The following AGA variants were observed in gnomAD, a reference collection of about 807,000 sequenced individuals.
The protein encoded by AGA is aspartylglucosaminidase.
In AGA, 31 loss-of-function variants were observed where a neutral mutation model predicts 40.1. The ratio of observed to expected loss-of-function variants is 0.77; its 90% CI spans 0.58 to 1.04. AGA has a LOEUF of 1.04. Among genes scored for constraint, AGA ranks in the 50% least tolerant of loss-of-function variants. AGA has a pLI of 0.00. For synonymous variants in AGA, 148 were observed against 144.0 expected (o/e 1.03, Z -0.20); for missense variants, 445 against 435.4 (o/e 1.02, Z -0.20).
intron 7 of AGA, among the ~76,000 whole-genome samples, chr4:177,433,908 A>G (rs1413431898): frequency 6.6e-6 from 1 of 151,368 alleles, no homozygotes; most frequent in East Asian, 1.9e-4. Context: ...ATCATTATCA[A>G]AATGATAGGC....
chr4:177,437,823 T>G (rs921030624), intron 4 of AGA, among the ~76,000 whole-genome samples: 2 of 152,180 alleles, frequency 1.3e-5, no homozygotes, highest in African/African-American at 2.4e-5. Context: ...TAGTAAAATT[T>G]TTTAAAATTA....
rs1248464839 is a variant in AGA, at chr4:177,430,806, CTG to C, written c.*900_*901del. The C allele has an allele frequency of 1.1e-5, 5 of 453,734 alleles. No individual in the cohort carries two copies. The highest frequency in any genetic ancestry group is 8.0e-5 in the African/African-American group (4 of 49,976). 28.1% of individuals were successfully genotyped at this position (453,734 alleles called of 1,614,324 possible). A position where few individuals can be genotyped will look rare whatever the true frequency, so the allele number is the denominator to read the frequency against. On this transcript the variant is annotated 3_prime_UTR_variant, in exon 9 of 9. Coordinates refer to ENST00000264595, the MANE Select transcript of AGA (RefSeq NM_000027.4). ...ATCGTACATGTACATTTATTAATGA[CTG>C]TTGATTAAAAAGATGATTTTGAAGG...
rs777972773 is a variant in AGA at position 177,442,361 on chromosome 4, C to T, written c.15G>A (p.Ser5=). Residue 5 remains serine (S), a synonymous_variant, in exon 1 of 9, where the codon TCG becomes TCA. Transcript: ENST00000264595. MARK[S]NLPVLLVPFL... ...ACGGCACGAGAAGCACAGGCAAGTT[C>T]GACTTCCGCGCCATCCCTGACCACC... 9 of 1,614,076 alleles carry T rather than the reference C, an allele frequency of 5.6e-6. No individual in the cohort carries two copies. In the Admixed American group the frequency reaches 6.7e-5, roughly 12 times the overall value.
chr4:177,439,449 A>G, intron 3 of AGA, 127 bp downstream of exon 3: 1 of 782,926 alleles, frequency 1.3e-6, no homozygotes, highest in South Asian at 1.4e-5. Flanking sequence ...TATCCAGTTC[A>G]ATAGATGTTA....
chr4:177,439,722 G>T, intron 2 of AGA, 34 bp from the exon 3 acceptor site: 1 of 1,448,552 alleles, frequency 6.9e-7, no homozygotes, highest in Non-Finnish European at 9.7e-7. Context: ...AGGAATTAAG[G>T]AGTTTTCAGA....
chr4:177,436,185 G>A lies in AGA; in HGVS notation c.698+91C>T, dbSNP rs970557369. The A allele has an allele frequency of 1.9e-5, 19 of 1,026,564 alleles. 1 individual carries two copies. Among genetic ancestry groups the A allele is most frequent in the Non-Finnish European group, 2.9e-5 (19 of 653,222 alleles). 63.6% of individuals were successfully genotyped at this position (1,026,564 alleles called of 1,614,324 possible). ...CTCATTCATCGCAGCTGTGAGACTA[G>A]GGCTGTGCTTTGCAACCCCCATAGC... On this transcript the variant is annotated intron_variant, in intron 6 of 8. Coordinates refer to ENST00000264595, the MANE Select transcript of AGA (RefSeq NM_000027.4).
At chr4:177,435,893 T>C (rs1736799274) in intron 6 of AGA, among the ~76,000 whole-genome samples, 1 of 150,306 alleles carries the variant, frequency 6.7e-6, no homozygotes, top group African/African-American at 2.5e-5. Flanking sequence ...TCCAAGCCAG[T>C]GGGAGTTCTG....
intron 4 of AGA, 74 bp downstream of exon 4, chr4:177,438,671 G>T: frequency 9.8e-7 from 1 of 1,024,712 alleles, no homozygotes; most frequent in Non-Finnish European, 1.5e-6. Context: ...ACAACAGGCA[G>T]GCAACACTGA....
intron 1 of AGA, 72 bp downstream of exon 1, chr4:177,442,177 G>C: frequency 6.3e-7 from 1 of 1,595,476 alleles, no homozygotes. Flanking sequence ...GGTGACTGCA[G>C]CGGGGCGGGC....
At chr4:177,440,912 A>G (rs1385029333) in intron 1 of AGA, among the ~76,000 whole-genome samples, 2 of 152,220 alleles carry the variant, frequency 1.3e-5, no homozygotes, top group Non-Finnish European at 2.9e-5. Context: ...CGTGGACTTC[A>G]TATGGATTAG....
intron 1 of AGA, among the ~76,000 whole-genome samples, chr4:177,441,057 T>A (rs1252299665): frequency 2.0e-5 from 3 of 152,248 alleles, no homozygotes; most frequent in Admixed American, 6.5e-5. Flanking sequence ...AGAGCCAGGA[T>A]CCCATACATT....
intron 1 of AGA, among the ~76,000 whole-genome samples, chr4:177,441,488 A>G (rs1029102951): frequency 6.6e-6 from 1 of 152,190 alleles, no homozygotes; most frequent in Admixed American, 6.5e-5. Flanking sequence ...ATGGTACGTA[A>G]AGGCTATTAA....
In AGA at chr4:177,433,229, C is replaced by T; in HGVS notation, c.925G>A (p.Val309Met). The T allele has an allele frequency of 6.2e-7, 1 of 1,614,114 alleles. No homozygotes were observed. The highest frequency in any genetic ancestry group is 1.1e-5 in the South Asian group (1 of 91,084). The change falls in exon 8 of 9, where the codon GTG becomes ATG. Residue 309 changes from valine to methionine, a missense_variant. Physicochemically the swap from Val to Met is conservative, Grantham distance 21 (BLOSUM62 1). Transcript: ENST00000264595. ...CACAACTTACCGTAACTTCCAGTCACATTGGCACATATAACAGCCCCAAAG... is the reference window on the plus strand; with the variant it reads ...CACAACTTACCGTAACTTCCAGTCATATTGGCACATATAACAGCCCCAAAG... ...EFFGAVICAN[V>M]TGSYGAACNK... is the part of the protein sequence containing the mutation.
At chr4:177,442,144 G>A (rs1369636226) in intron 1 of AGA, 105 bp downstream of exon 1, 2 of 1,526,614 alleles carry the variant, frequency 1.3e-6, no homozygotes, top group Non-Finnish European at 1.8e-6. Context: ...GCCCAGCCCG[G>A]CGCTCTTCCG....
chr4:177,433,015 G>A lies in AGA; in HGVS notation c.940+199C>T, dbSNP rs1214405536. Among the ~76,000 whole-genome samples, 4 of 152,170 alleles carry A rather than the reference G, an allele frequency of 2.6e-5. No homozygotes were observed. In the East Asian group the frequency reaches 7.7e-4, roughly 29 times the overall value. ...GTCAGAGACTGGGTCATAACTACCA[G>A]CAGTCAATCCAAAGAGGCTTTTAGG... On this transcript the variant is annotated intron_variant, in intron 8 of 8. Coordinates refer to ENST00000264595, the MANE Select transcript of AGA (RefSeq NM_000027.4).
chr4:177,434,776 C>T lies in AGA; in HGVS notation c.699-287G>A, dbSNP rs527280508. Among the ~76,000 whole-genome samples, 9 of 152,198 alleles carry T rather than the reference C, an allele frequency of 5.9e-5. No individual in the cohort carries two copies. In the South Asian group the frequency reaches 1.7e-3, roughly 28 times the overall value. On this transcript the variant is annotated intron_variant, in intron 6 of 8. Transcript: ENST00000264595. ...TACTGGAGGCTGGGGGGAGGGGGAC[C>T]TGGCGAGATGCGGGTCAAAGGACAC...
chr4:177,433,191 T>C, intron 8 of AGA, 23 bp downstream of exon 8: 2 of 1,613,942 alleles, frequency 1.2e-6, no homozygotes, highest in Non-Finnish European at 1.7e-6. Flanking sequence ...TTCACACAAA[T>C]ACAAAATCCA....
intron 1 of AGA, 100 bp downstream of exon 1, chr4:177,442,149 C>A (rs1453975605): frequency 3.2e-6 from 5 of 1,549,904 alleles, no homozygotes; most frequent in Non-Finnish European, 4.4e-6. Context: ...GCCCGGCGCT[C>A]TTCCGTCCGC....
Position 177,431,305 on chromosome 4 carries a change from G to A in AGA, c.*403C>T. ...ATTCAATCAGGACTGATCATGCTGAGACTCTGCTGTTTTTTTCTTTGGGTC... is the reference window on the plus strand; with the variant it reads ...ATTCAATCAGGACTGATCATGCTGAAACTCTGCTGTTTTTTTCTTTGGGTC... On this transcript the variant is annotated 3_prime_UTR_variant, in exon 9 of 9. Coordinates refer to ENST00000264595, the MANE Select transcript of AGA (RefSeq NM_000027.4). 3 of 447,860 alleles carry A rather than the reference G, an allele frequency of 6.7e-6. No homozygotes were observed. Among genetic ancestry groups the A allele is most frequent in the Non-Finnish European group, 1.3e-5 (3 of 225,654 alleles). 27.7% of individuals were successfully genotyped at this position (447,860 alleles called of 1,614,324 possible). A position where few individuals can be genotyped will look rare whatever the true frequency, so the allele number is the denominator to read the frequency against.
Sources: gnomAD v4.1 joint callset for allele counts (sites outside exome capture counted in the v4.1 genomes callset) on GRCh38, gnomAD v4.1.1 for gene constraint, MANE v1.5 for transcripts, NCBI Gene and HGNC (gene_info 2026-07-23, HGNC 2026-07-21) for gene names.